Variants in IFT80 observed in about 807,000 individuals in gnomAD.
IFT80 encodes the protein intraflagellar transport protein 80 homolog.
A neutral mutation model predicts 107.9 loss-of-function variants in IFT80; 79 were observed. The observed-to-expected ratio is 0.73, with a 90% CI of 0.61 to 0.88. The LOEUF (loss-of-function observed/expected upper bound fraction) is 0.88. Ranked by LOEUF, IFT80 falls within the 40% of genes least tolerant of loss-of-function variation. The probability of loss-of-function intolerance (pLI) is 0.00; values close to 1 mark genes in which losing one functional copy is unlikely to be tolerated. For synonymous variants in IFT80, 299 were observed against 300.9 expected (o/e 0.99, Z 0.07); for missense variants, 797 against 914.2 (o/e 0.87, Z 1.65).
At chr3:160,319,303 A>G (rs1260738509) in intron 9 of IFT80, among the ~76,000 whole-genome samples, 3 of 151,996 alleles carry the variant, frequency 2.0e-5, no homozygotes, top group African/African-American at 7.2e-5. Flanking sequence ...CCATTTTCCC[A>G]TTTTGACTCT....
chr3:160,288,299 C>T (rs1414718210), intron 12 of IFT80, among the ~76,000 whole-genome samples: 4 of 152,166 alleles, frequency 2.6e-5, no homozygotes, highest in African/African-American at 9.7e-5. Context: ...CACCACTGCA[C>T]TCCAGCCTGG....
intron 12 of IFT80, among the ~76,000 whole-genome samples, chr3:160,298,851 T>C (rs979588213): frequency 1.3e-5 from 2 of 152,146 alleles, no homozygotes; most frequent in Non-Finnish European, 2.9e-5. Context: ...ACAATGGTAT[T>C]TGTGTACCTA....
At chr3:160,320,899 A>C (rs1718164026) in intron 8 of IFT80, among the ~76,000 whole-genome samples, 1 of 151,912 alleles carries the variant, frequency 6.6e-6, no homozygotes, top group Admixed American at 6.6e-5. Flanking sequence ...ATGCTATTAC[A>C]AAACAAGACT....
At chr3:160,329,793 A>T (rs1718954186) in intron 8 of IFT80, among the ~76,000 whole-genome samples, 1 of 151,878 alleles carries the variant, frequency 6.6e-6, no homozygotes. Flanking sequence ...CTTCCATGTT[A>T]TGTAAAGTTT....
intron 8 of IFT80, among the ~76,000 whole-genome samples, chr3:160,337,738 G>T (rs1331604299): frequency 6.6e-6 from 1 of 152,090 alleles, no homozygotes; most frequent in African/African-American, 2.4e-5. Flanking sequence ...ATCAAAGTCT[G>T]ATGATGTTCT....
intron 13 of IFT80, 77 bp from the exon 14 acceptor site, chr3:160,282,690 C>G: frequency 1.1e-6 from 1 of 883,868 alleles, no homozygotes; most frequent in Non-Finnish European, 1.8e-6. Flanking sequence ...ATTATAAAAT[C>G]ATTTCCTTTA....
At chr3:160,311,864 G>A (rs894095265) in intron 9 of IFT80, among the ~76,000 whole-genome samples, 3 of 152,078 alleles carry the variant, frequency 2.0e-5, no homozygotes, top group African/African-American at 4.8e-5. Flanking sequence ...TGCAACCTCC[G>A]CCTCCCAGGT....
At chr3:160,369,083 T>C (rs1057018991) in intron 5 of IFT80, among the ~76,000 whole-genome samples, 1 of 152,014 alleles carries the variant, frequency 6.6e-6, no homozygotes, top group African/African-American at 2.4e-5. Flanking sequence ...TTTATGAACC[T>C]TTCTTCATAG....
intron 1 of IFT80, among the ~76,000 whole-genome samples, chr3:160,391,091 C>T (rs929463841): frequency 2.0e-5 from 3 of 152,224 alleles, no homozygotes; most frequent in Non-Finnish European, 4.4e-5. Context: ...CTATGAGCTG[C>T]TCCTCTGGGC....
intron 8 of IFT80, among the ~76,000 whole-genome samples, chr3:160,353,847 T>C (rs1720879524): frequency 6.6e-6 from 1 of 152,164 alleles, no homozygotes; most frequent in African/African-American, 2.4e-5. Flanking sequence ...GTCTGATGAG[T>C]AGTATATATT....
In IFT80 at chr3:160,282,516, A is replaced by G. The variant is rs373237371; in HGVS notation, c.1478T>C (p.Val493Ala). ...DKNRDLCITS[V>A]KRFGKEEQII... is the part of the protein sequence containing the mutation. ...TTGTTCTTCCTTCCCAAATCGTTTC[A>G]CAGAAGTGATACAGAGATCTCTATT... Residue 493 changes from valine to alanine, a missense_variant, in exon 14 of 20, where the codon GTG (valine) becomes GCG (alanine). Coordinates refer to ENST00000326448, the MANE Select transcript of IFT80 (RefSeq NM_020800.3). 3.1e-6 allele frequency: 5 copies of G among 1,599,034 alleles called. No individual in the cohort carries two copies. Among genetic ancestry groups the G allele is most frequent in the Non-Finnish European group, 3.4e-6 (4 of 1,169,850 alleles).
chr3:160,398,027 TTCCA>T (rs1481219229), intron 1 of IFT80, among the ~76,000 whole-genome samples: 1 of 152,218 alleles, frequency 6.6e-6, no homozygotes, highest in Admixed American at 6.5e-5. Flanking sequence ...AATGCAAAAA[TTCCA>T]GAAGCCCTCA....
chr3:160,344,675 T>C (rs922237201), intron 8 of IFT80, among the ~76,000 whole-genome samples: 3 of 152,138 alleles, frequency 2.0e-5, no homozygotes, highest in Non-Finnish European at 2.9e-5. Context: ...TTGGAAAAGA[T>C]ATCTGCAAAC....
At chr3:160,344,979 T>C (rs575361614) in intron 8 of IFT80, among the ~76,000 whole-genome samples, 15 of 152,286 alleles carry the variant, frequency 9.8e-5, no homozygotes, top group African/African-American at 3.4e-4. Context: ...GGAACACTCA[T>C]ATACCGCTGG....
intron 8 of IFT80, among the ~76,000 whole-genome samples, chr3:160,333,960 A>G (rs1453373569): frequency 6.6e-6 from 1 of 152,182 alleles, no homozygotes; most frequent in Non-Finnish European, 1.5e-5. Flanking sequence ...ACACAAACAC[A>G]TAAGTAATGT....
chr3:160,258,827 T>C (rs771937076), intron 19 of IFT80, among the ~76,000 whole-genome samples, 192 bp from the exon 20 acceptor site: 1 of 152,180 alleles, frequency 6.6e-6, no homozygotes, highest in Non-Finnish European at 1.5e-5. Flanking sequence ...CCAGGCATAG[T>C]GGCTTACTCC....
chr3:160,316,985 C>G (rs1559936161), intron 9 of IFT80, among the ~76,000 whole-genome samples: 1 of 152,112 alleles, frequency 6.6e-6, no homozygotes, highest in African/African-American at 2.4e-5. Flanking sequence ...TGTCTCTTAA[C>G]TTCACAAGAA....
chr3:160,380,679 C>T (rs1179360006), intron 3 of IFT80, among the ~76,000 whole-genome samples: 1 of 150,920 alleles, frequency 6.6e-6, no homozygotes, highest in Non-Finnish European at 1.5e-5. Flanking sequence ...TCTAAGAAAA[C>T]AAATATAAAA....
intron 6 of IFT80, among the ~76,000 whole-genome samples, chr3:160,360,689 T>C (rs972131534): frequency 2.6e-5 from 4 of 151,972 alleles, no homozygotes; most frequent in African/African-American, 7.3e-5. Context: ...AGAAGGGAGA[T>C]TGGGGGCCAA....
Sources: gnomAD v4.1 joint callset for allele counts (sites outside exome capture counted in the v4.1 genomes callset) on GRCh38, gnomAD v4.1.1 for gene constraint, MANE v1.5 for transcripts, NCBI Gene and HGNC (gene_info 2026-07-23, HGNC 2026-07-21) for gene names.